RARB: variants seen among roughly 807,000 people sequenced by gnomAD.
RARB encodes the protein retinoic acid receptor beta, also known as HBV-activated protein.
Under a neutral mutation model 51.9 loss-of-function variants are expected in RARB, and 17 were observed. The observed-to-expected ratio is 0.33, with a 90% CI of 0.22 to 0.49. The LOEUF is 0.49. Ranked by LOEUF, RARB falls within the 20% of genes least tolerant of loss-of-function variation. The pLI, the probability that RARB is intolerant of heterozygous loss-of-function variation, is 0.99. For missense variants in RARB, 369 were observed against 550.8 expected (o/e 0.67, Z 3.30); for synonymous variants, 215 against 195.4 (o/e 1.10, Z -0.84).
At chr3:24,974,456 T>C (rs1696467228) in intron 2 of RARB, among the ~76,000 whole-genome samples, 1 of 152,230 alleles carries the variant, frequency 6.6e-6, no homozygotes, top group African/African-American at 2.4e-5. Context: ...TATTAATTTG[T>C]TTTTCACATT....
At chr3:24,912,435 C>T (rs1695009327) in intron 2 of RARB, among the ~76,000 whole-genome samples, 1 of 151,900 alleles carries the variant, frequency 6.6e-6, no homozygotes, top group Non-Finnish European at 1.5e-5. Context: ...AATAAGTGGT[C>T]ATTATTATTC....
chr3:24,982,432 G>A (rs550310859), intron 2 of RARB, among the ~76,000 whole-genome samples: 48 of 152,300 alleles, frequency 3.2e-4, no homozygotes, highest in African/African-American at 1.1e-3. Flanking sequence ...CTTTCAGACT[G>A]TCCTTTTGCC....
chr3:25,443,485 G>T (rs577075418), intron 1 of RARB, among the ~76,000 whole-genome samples: 31 of 151,708 alleles, frequency 2.0e-4, no homozygotes, highest in Non-Finnish European at 3.8e-4. Flanking sequence ...GCTAAAGCGC[G>T]CCGGTAATCT....
chr3:25,487,126 C>T (rs908060935), intron 2 of RARB, among the ~76,000 whole-genome samples: 5 of 152,130 alleles, frequency 3.3e-5, no homozygotes, highest in African/African-American at 1.2e-4. Flanking sequence ...ATGCAGTCAG[C>T]TAACAGCTTC....
intron 3 of RARB, among the ~76,000 whole-genome samples, chr3:25,090,842 C>G (rs570844350): frequency 6.6e-6 from 1 of 152,194 alleles, no homozygotes; most frequent in Admixed American, 6.5e-5. Context: ...GTCTCTTGTT[C>G]AAACTCACAC....
intron 1 of RARB, among the ~76,000 whole-genome samples, chr3:25,454,468 G>T (rs1559410888): frequency 6.6e-6 from 1 of 152,182 alleles, no homozygotes; most frequent in Non-Finnish European, 1.5e-5. Flanking sequence ...TTCCCCTGGG[G>T]CCATGCAGGA....
At chr3:25,072,704 A>C (rs970877525) in intron 3 of RARB, among the ~76,000 whole-genome samples, 1 of 150,194 alleles carries the variant, frequency 6.7e-6, no homozygotes, top group Non-Finnish European at 1.5e-5. Context: ...GGGTTTCTTT[A>C]ATTTTTTATT....
intron 5 of RARB, among the ~76,000 whole-genome samples, chr3:25,211,378 T>C (rs866842304): frequency 1.3e-5 from 2 of 152,206 alleles, no homozygotes; most frequent in Non-Finnish European, 2.9e-5. Flanking sequence ...AGAATGTTTT[T>C]AGAATATATA....
chr3:25,394,976 C>A (rs1006280219), intron 5 of RARB, among the ~76,000 whole-genome samples: 3 of 151,884 alleles, frequency 2.0e-5, no homozygotes, highest in African/African-American at 7.2e-5. Context: ...TTATTTTTTT[C>A]CTTGTGTTAT....
At chr3:25,294,552 C>T (rs1703871570) in intron 5 of RARB, among the ~76,000 whole-genome samples, 1 of 152,150 alleles carries the variant, frequency 6.6e-6, no homozygotes, top group Non-Finnish European at 1.5e-5. Context: ...CTCTCCCAAC[C>T]CAGGCTGAAG....
chr3:25,553,990 T>G (rs550849764), intron 3 of RARB, among the ~76,000 whole-genome samples: 77 of 152,146 alleles, frequency 5.1e-4, no homozygotes, highest in African/African-American at 1.9e-3. Context: ...CCATGTCACC[T>G]GTGTTTGCCA....
intron 1 of RARB, among the ~76,000 whole-genome samples, chr3:25,454,615 A>C (rs1016527600): frequency 6.6e-6 from 1 of 152,168 alleles, no homozygotes; most frequent in African/African-American, 2.4e-5. Context: ...CCTGCCTGTA[A>C]TCAGGCCCAA....
chr3:24,898,270 T>G (rs1369781526), intron 2 of RARB, among the ~76,000 whole-genome samples: 1 of 151,638 alleles, frequency 6.6e-6, no homozygotes, highest in Non-Finnish European at 1.5e-5. Context: ...GCTTGTGAAA[T>G]AGCCTGCAAA....
At chr3:25,075,815 G>C (rs1172885918) in intron 3 of RARB, among the ~76,000 whole-genome samples, 1 of 152,166 alleles carries the variant, frequency 6.6e-6, no homozygotes, top group Non-Finnish European at 1.5e-5. Flanking sequence ...CTGTAAAAGA[G>C]CTTGTATGAA....
chr3:25,234,439 T>C (rs1702255797), intron 5 of RARB, among the ~76,000 whole-genome samples: 1 of 152,174 alleles, frequency 6.6e-6, no homozygotes. Flanking sequence ...CTTAACAGTT[T>C]TGTTGATCCT....
intron 5 of RARB, among the ~76,000 whole-genome samples, chr3:25,411,607 C>T (rs77557436): frequency 1.3e-5 from 2 of 152,282 alleles, no homozygotes; most frequent in East Asian, 3.9e-4. Context: ...CAGTAGTGAC[C>T]TCAAGAAGCA....
intron 2 of RARB, among the ~76,000 whole-genome samples, chr3:24,952,628 A>G (rs928027268): frequency 6.6e-6 from 1 of 152,174 alleles, no homozygotes; most frequent in African/African-American, 2.4e-5. Context: ...GTGGCACAGC[A>G]GGTGCTCAGT....
At chr3:25,076,981 T>A (rs1300879873) in intron 3 of RARB, among the ~76,000 whole-genome samples, 1 of 152,208 alleles carries the variant, frequency 6.6e-6, no homozygotes, top group Non-Finnish European at 1.5e-5. Context: ...AGGTCTCTTT[T>A]TTGTTTTCCC....
chr3:25,542,195 A>G (rs1029723977), intron 3 of RARB, among the ~76,000 whole-genome samples: 1 of 152,260 alleles, frequency 6.6e-6, no homozygotes, highest in African/African-American at 2.4e-5. Context: ...AGCTATGATC[A>G]ATTAGTATGT....
Sources: allele counts gnomAD v4.1 joint callset (sites outside exome capture counted in the v4.1 genomes callset), GRCh38; gene constraint gnomAD v4.1.1; transcripts MANE v1.5; gene names NCBI Gene and HGNC (gene_info 2026-07-23, HGNC 2026-07-21).